INTU: variants seen among roughly 807,000 people sequenced by gnomAD.
INTU encodes inturned planar cell polarity protein, also known as protein inturned.
A neutral mutation model predicts 100.5 loss-of-function variants in INTU; 68 were observed. The observed-to-expected ratio is 0.68, with a 90% CI of 0.56 to 0.83. The LOEUF (loss-of-function observed/expected upper bound fraction) is 0.83. Ranked by LOEUF, INTU falls within the 40% of genes least tolerant of loss-of-function variation. INTU has a pLI of 0.00. For synonymous variants in INTU, 357 were observed against 395.7 expected, an observed-to-expected ratio of 0.90 and a Z score of 1.16; for missense variants, 1,071 against 1,114.7, an observed-to-expected ratio of 0.96 and a Z score of 0.56.
intron 2 of INTU, among the ~76,000 whole-genome samples, chr4:127,655,944 G>A (rs1198555084): frequency 4.6e-5 from 7 of 152,082 alleles, no homozygotes; most frequent in East Asian, 1.9e-4. Context: ...TTTTTAAACC[G>A]GTCCGAAAAG....
chr4:127,689,945 G>C (rs868155891), intron 8 of INTU, among the ~76,000 whole-genome samples: 1 of 152,116 alleles, frequency 6.6e-6, no homozygotes, highest in African/African-American at 2.4e-5. Flanking sequence ...GTACCATCTC[G>C]TGAGGCTTGC....
chr4:127,671,955 T>C (rs1728950964), intron 5 of INTU, among the ~76,000 whole-genome samples: 1 of 152,050 alleles, frequency 6.6e-6, no homozygotes, highest in South Asian at 2.1e-4. Flanking sequence ...AAATAATGTA[T>C]ACACATGGAC....
At chr4:127,656,307 T>C (rs1472613163) in intron 2 of INTU, among the ~76,000 whole-genome samples, 1 of 152,230 alleles carries the variant, frequency 6.6e-6, no homozygotes, top group Non-Finnish European at 1.5e-5. Flanking sequence ...CAGTATTTGG[T>C]TCATGCTAAC....
intron 2 of INTU, among the ~76,000 whole-genome samples, chr4:127,648,934 T>C (rs1337417095): frequency 1.3e-5 from 2 of 152,180 alleles, no homozygotes; most frequent in African/African-American, 4.8e-5. Context: ...TCATAATGAC[T>C]TGGTGCCCAT....
intron 5 of INTU, among the ~76,000 whole-genome samples, chr4:127,671,415 A>T (rs1350161427): frequency 6.6e-6 from 1 of 151,942 alleles, no homozygotes; most frequent in African/African-American, 2.4e-5. Context: ...CAATGAGATA[A>T]CATCTTACAC....
chr4:127,658,110 C>T (rs1056966705), intron 3 of INTU, among the ~76,000 whole-genome samples: 5 of 152,180 alleles, frequency 3.3e-5, no homozygotes, highest in African/African-American at 7.2e-5. Context: ...AATAATAAGG[C>T]ACATGATGAA....
chr4:127,719,388 GTTTTA>G lies in INTU; in HGVS notation c.*2955_*2959del, dbSNP rs1731312899. On this transcript the variant is annotated 3_prime_UTR_variant, in exon 16 of 16. Coordinates refer to ENST00000335251, the MANE Select transcript of INTU (RefSeq NM_015693.4). ...GTGCTGCTGGATTCAGTTTGCCAGT[GTTTTA>G]TTGAGAATTTTTACATTGATGTTCA... is the stretch of plus-strand genomic sequence containing the variant. 1 of 152,108 alleles carries G rather than the reference GTTTTA, an allele frequency of 6.6e-6. No homozygotes were observed. The highest frequency in any genetic ancestry group is 2.1e-4 in the South Asian group (1 of 4,832). 9.4% of individuals were successfully genotyped at this position (152,108 alleles called of 1,614,324 possible). A position where few individuals can be genotyped will look rare whatever the true frequency, so the allele number is the denominator to read the frequency against.
At chr4:127,692,919 T>C (rs1730215421) in intron 8 of INTU, among the ~76,000 whole-genome samples, 2 of 152,148 alleles carry the variant, frequency 1.3e-5, no homozygotes, top group African/African-American at 4.8e-5. Context: ...TATTTCTGGG[T>C]TCTCTATTTT....
intron 1 of INTU, among the ~76,000 whole-genome samples, chr4:127,638,933 T>G (rs928771582): frequency 6.6e-6 from 1 of 152,198 alleles, no homozygotes; most frequent in Non-Finnish European, 1.5e-5. Context: ...ATGACCCATG[T>G]ACTACAAAGA....
intron 8 of INTU, among the ~76,000 whole-genome samples, chr4:127,692,483 G>A (rs895062947): frequency 2.6e-5 from 4 of 152,112 alleles, no homozygotes; most frequent in Non-Finnish European, 4.4e-5. Context: ...GTAGATTCTG[G>A]ATATTAGTCC....
chr4:127,716,615 T>A lies in INTU; in HGVS notation c.*179T>A, dbSNP rs542386850. 327 of 361,458 alleles carry A rather than the reference T, an allele frequency of 9.0e-4. 2 individuals are homozygous for A. The highest frequency in any genetic ancestry group is 6.3e-3 in the African/African-American group (302 of 47,692). The allele number at this position is 361,458 out of a possible 1,614,324, so 22.4% of individuals were successfully genotyped here. ...TTTGATACATTAAATCTTAATGTAA[T>A]ATTGTAAGACTTTTGAGAATATACT... On this transcript the variant is annotated 3_prime_UTR_variant, in exon 16 of 16. Coordinates refer to ENST00000335251, the MANE Select transcript of INTU (RefSeq NM_015693.4).
intron 1 of INTU, among the ~76,000 whole-genome samples, chr4:127,641,884 T>C (rs1421769658): frequency 6.6e-6 from 1 of 152,162 alleles, no homozygotes; most frequent in Non-Finnish European, 1.5e-5. Flanking sequence ...ACTTTAGAGA[T>C]TGAAATGAAT....
intron 9 of INTU, among the ~76,000 whole-genome samples, chr4:127,702,482 CTG>C (rs1730691941): frequency 6.6e-6 from 1 of 152,076 alleles, no homozygotes; most frequent in Non-Finnish European, 1.5e-5. Context: ...AAAACAAATT[CTG>C]GTATATCCAG....
intron 8 of INTU, chr4:127,699,340 A>C (rs1333055112): frequency 6.6e-6 from 1 of 152,232 alleles, no homozygotes; most frequent in African/African-American, 2.4e-5. Context: ...GAAAGAGTTC[A>C]GGCAATTTCC....
At position 127,704,256 on chromosome 4, in the gene INTU, T is replaced by G; in HGVS notation, c.1532T>G (p.Leu511Arg). ...LSEDYYDMRR[L>R]YTILGSSLFY... ...GAGGATTACTATGACATGAGGCGGC[T>G]GTATACAATTTTGGGGTCTTCTCTA... Residue 511 changes from leucine (L) to arginine (R), a missense_variant, in exon 10 of 16, where the codon CTG becomes CGG. By Grantham distance (102) the Leu-to-Arg change is moderately radical. Transcript: ENST00000335251. The G allele has an allele frequency of 1.9e-6, 3 of 1,611,132 alleles. No homozygotes were observed. Among genetic ancestry groups the G allele is most frequent in the Non-Finnish European group, 2.5e-6 (3 of 1,178,412 alleles).
Position 127,725,326 on chromosome 4 carries a change from A to C in INTU, c.*8890A>C, listed in dbSNP as rs1016737865. Reference sequence around the variant, plus strand: ...CTGTTTAAAAAACAAAAAAGCTTGAAATACCTTCCCCTTAAGATCACAATA... The same window carrying C: ...CTGTTTAAAAAACAAAAAAGCTTGACATACCTTCCCCTTAAGATCACAATA... On this transcript the variant is annotated 3_prime_UTR_variant, in exon 16 of 16. Transcript: ENST00000335251. 1.3e-5 allele frequency: 2 copies of C among 152,018 alleles called. No individual in the cohort carries two copies. The highest frequency in any genetic ancestry group is 4.8e-5 in the African/African-American group (2 of 41,392). The allele number at this position is 152,018 out of a possible 1,614,324, so 9.4% of individuals were successfully genotyped here. A position where few individuals can be genotyped will look rare whatever the true frequency, so the allele number is the denominator to read the frequency against.
intron 6 of INTU, among the ~76,000 whole-genome samples, chr4:127,680,071 G>C (rs1729451565): frequency 6.6e-6 from 1 of 152,152 alleles, no homozygotes. Flanking sequence ...TTGACTCTCT[G>C]AATAGAACAA....
chr4:127,707,113 A>AT, intron 12 of INTU, 144 bp downstream of exon 12: 1 of 1,019,362 alleles, frequency 9.8e-7, no homozygotes, highest in Non-Finnish European at 1.4e-6. Flanking sequence ...CAAACCAATG[A>AT]TTTTGAACCA....
Position 127,665,159 on chromosome 4 carries a change from A to T in INTU, c.972+1575A>T, listed in dbSNP as rs965374652. On this transcript the variant is annotated intron_variant, in intron 4 of 15. Coordinates refer to ENST00000335251, the MANE Select transcript of INTU (RefSeq NM_015693.4). Reference sequence around the variant, plus strand: ...GTGCTATCTCTTTTCTCCATCATCTATAATTATACTACTACTACTTATTAT... The same window carrying T: ...GTGCTATCTCTTTTCTCCATCATCTTTAATTATACTACTACTACTTATTAT... 1.3e-5 allele frequency among the ~76,000 whole-genome samples: 2 copies of T among 150,568 alleles called. 1 individual carries two copies. The highest frequency in any genetic ancestry group is 3.0e-5 in the Non-Finnish European group (2 of 67,644).
Sources: allele counts gnomAD v4.1 joint callset (sites outside exome capture counted in the v4.1 genomes callset), GRCh38; gene constraint gnomAD v4.1.1; transcripts MANE v1.5; gene names NCBI Gene and HGNC (gene_info 2026-07-23, HGNC 2026-07-21).